Variants in CNTNAP2 observed in about 807,000 individuals in gnomAD.
The protein encoded by CNTNAP2 is contactin-associated protein-like 2.
CNTNAP2 carries 98 observed loss-of-function variants against 155.2 expected under a neutral mutation model. The observed-to-expected ratio is 0.63, with a 90% CI of 0.54 to 0.75. The LOEUF is 0.75. Ranked by LOEUF, CNTNAP2 falls within the 30% of genes least tolerant of loss-of-function variation. The pLI is 0.00. For synonymous variants in CNTNAP2, 651 were observed against 631.2 expected (o/e 1.03, Z -0.47); for missense variants, 1,727 against 1,688.1 (o/e 1.02, Z -0.40).
intron 21 of CNTNAP2, among the ~76,000 whole-genome samples, chr7:148,346,086 C>T (rs994709550): frequency 5.3e-5 from 8 of 152,104 alleles, no homozygotes; most frequent in East Asian, 3.9e-4. Context: ...TCACCCTCTG[C>T]GTTGTGAATT....
chr7:148,084,283 G>A (rs1803673918), intron 15 of CNTNAP2, among the ~76,000 whole-genome samples: 1 of 152,178 alleles, frequency 6.6e-6, no homozygotes, highest in Non-Finnish European at 1.5e-5. Context: ...AGGCTTTGGT[G>A]GTGCTAGGAG....
intron 15 of CNTNAP2, among the ~76,000 whole-genome samples, chr7:148,047,436 G>A (rs985835464): frequency 2.0e-5 from 3 of 152,064 alleles, no homozygotes; most frequent in Non-Finnish European, 4.4e-5. Context: ...TTATCTAATA[G>A]GCATGTTTTC....
intron 8 of CNTNAP2, among the ~76,000 whole-genome samples, chr7:147,185,851 A>G (rs565590603): frequency 6.6e-6 from 1 of 152,300 alleles, no homozygotes; most frequent in South Asian, 2.1e-4. Context: ...TTCTCGTGAC[A>G]GTGAGTAAAT....
intron 4 of CNTNAP2, among the ~76,000 whole-genome samples, chr7:147,094,972 T>G (rs1470382604): frequency 1.3e-5 from 2 of 152,158 alleles, no homozygotes; most frequent in Non-Finnish European, 2.9e-5. Flanking sequence ...AGATGATGCC[T>G]TCTTGCTGTG....
At chr7:147,501,827 A>G (rs561891720) in intron 11 of CNTNAP2, among the ~76,000 whole-genome samples, 2 of 152,336 alleles carry the variant, frequency 1.3e-5, no homozygotes, top group Non-Finnish European at 1.5e-5. Flanking sequence ...AGAAAACCCT[A>G]CAGACTCCAC....
intron 20 of CNTNAP2, among the ~76,000 whole-genome samples, chr7:148,242,237 G>A (rs1443071406): frequency 2.0e-5 from 3 of 152,210 alleles, no homozygotes; most frequent in Admixed American, 2.0e-4. Flanking sequence ...ACAATGGGCA[G>A]AGCGGGTTGT....
At position 148,062,142 on chromosome 7, in the gene CNTNAP2, C is replaced by T. The variant is rs148134422; in HGVS notation, c.2384-55976C>T. On this transcript the variant is annotated intron_variant, in intron 15 of 23. Transcript: ENST00000361727. ...CTTGTCAAATTAGTTTAAAAAGAAG[C>T]TAAGTGGTTTTTTTAAGACACATCT... is the stretch of plus-strand genomic sequence containing the variant. Among the ~76,000 whole-genome samples, 455 of 148,000 alleles carry T rather than the reference C, an allele frequency of 3.1e-3. 1 individual carries two copies. Among genetic ancestry groups the T allele is most frequent in the African/African-American group, 0.011 (437 of 40,028 alleles).
chr7:146,614,539 A>G (rs577797257), intron 1 of CNTNAP2, among the ~76,000 whole-genome samples: 6 of 152,302 alleles, frequency 3.9e-5, no homozygotes, highest in African/African-American at 1.4e-4. Flanking sequence ...GTTTGGGGAA[A>G]AGGGCCACAA....
intron 21 of CNTNAP2, among the ~76,000 whole-genome samples, chr7:148,354,225 T>C (rs181249880): frequency 1.2e-3 from 167 of 138,626 alleles, no homozygotes; most frequent in Non-Finnish European, 1.9e-3. Flanking sequence ...AAAACAAGTC[T>C]GGTGTTAAGC....
At chr7:147,389,407 C>T (rs1470226538) in intron 9 of CNTNAP2, among the ~76,000 whole-genome samples, 18 of 152,108 alleles carry the variant, frequency 1.2e-4, no homozygotes, top group African/African-American at 4.8e-5. Flanking sequence ...TGTTGTCCAC[C>T]GTTTGCTTTT....
At position 146,805,020 on chromosome 7, in the gene CNTNAP2, C is replaced by T. The variant is rs148326380; in HGVS notation, c.208+30639C>T. Among the ~76,000 whole-genome samples, 11 of 152,296 alleles carry T rather than the reference C, an allele frequency of 7.2e-5. No individual in the cohort carries two copies. The East Asian group carries it at 1.2e-3, about 16-fold the overall frequency. ...CTGGCTCAAACATTTATTTTAGTTG[C>T]TCTGAAAGCACAGGAGGCGAACAAG... On this transcript the variant is annotated intron_variant, in intron 2 of 23. Coordinates refer to ENST00000361727, the MANE Select transcript of CNTNAP2 (RefSeq NM_014141.6).
intron 2 of CNTNAP2, among the ~76,000 whole-genome samples, chr7:146,810,285 G>C (rs959684204): frequency 5.6e-5 from 8 of 143,358 alleles, no homozygotes; most frequent in African/African-American, 1.8e-4. Flanking sequence ...CGGAAGTGTG[G>C]TTCCTCTAGC....
At chr7:147,757,622 T>C (rs1797231160) in intron 13 of CNTNAP2, among the ~76,000 whole-genome samples, 1 of 152,208 alleles carries the variant, frequency 6.6e-6, no homozygotes, top group Admixed American at 6.5e-5. Context: ...TGTTCTTTTT[T>C]TTTAACGTAA....
chr7:146,812,646 A>G (rs1803089051), intron 2 of CNTNAP2, among the ~76,000 whole-genome samples: 1 of 152,076 alleles, frequency 6.6e-6, no homozygotes, highest in Non-Finnish European at 1.5e-5. Flanking sequence ...TAGAAAAGAA[A>G]AACCCGTTTT....
chr7:146,389,031 G>A (rs1262879260), intron 1 of CNTNAP2, among the ~76,000 whole-genome samples: 1 of 152,100 alleles, frequency 6.6e-6, no homozygotes, highest in Non-Finnish European at 1.5e-5. Flanking sequence ...AATAGCACAA[G>A]TGTTGAAAGG....
chr7:146,890,218 T>C (rs1475641726), intron 3 of CNTNAP2, among the ~76,000 whole-genome samples: 1 of 152,228 alleles, frequency 6.6e-6, no homozygotes, highest in Non-Finnish European at 1.5e-5. Context: ...GACACACTCA[T>C]AGGCTATCTT....
intron 1 of CNTNAP2, among the ~76,000 whole-genome samples, chr7:146,486,247 G>A (rs1191786765): frequency 6.6e-6 from 1 of 151,622 alleles, no homozygotes; most frequent in Non-Finnish European, 1.5e-5. Flanking sequence ...TGTATTTTTA[G>A]TAGAGACGGG....
At chr7:147,094,934 T>A (rs1368408667) in intron 4 of CNTNAP2, among the ~76,000 whole-genome samples, 1 of 152,188 alleles carries the variant, frequency 6.6e-6, no homozygotes, top group African/African-American at 2.4e-5. Flanking sequence ...AGATTTGGTA[T>A]CTGATGAGGG....
In CNTNAP2 at chr7:148,283,747, C is replaced by T. The variant is rs540926220; in HGVS notation, c.3475+16621C>T. Among the ~76,000 whole-genome samples, 46 of 152,252 alleles carry T rather than the reference C, an allele frequency of 3.0e-4. No homozygotes were observed. The South Asian group carries it at 4.8e-3, about 16-fold the overall frequency. On this transcript the variant is annotated intron_variant, in intron 21 of 23. Coordinates refer to ENST00000361727, the MANE Select transcript of CNTNAP2 (RefSeq NM_014141.6). The stretch of plus-strand genomic sequence containing the variant: ...CTATCTATTGCTCCTAAGCACAAGA[C>T]GCTGCGATCTGTCCTGTGGAGAAAA...
Sources: allele counts gnomAD v4.1 joint callset (sites outside exome capture counted in the v4.1 genomes callset), GRCh38; gene constraint gnomAD v4.1.1; transcripts MANE v1.5; gene names NCBI Gene and HGNC (gene_info 2026-07-23, HGNC 2026-07-21).